The following AKAP13 variants were observed in gnomAD, a reference collection of about 807,000 sequenced individuals.
AKAP13 encodes A-kinase anchor protein 13.
In AKAP13, 80 loss-of-function variants were observed where a neutral mutation model predicts 264.5. The ratio of observed to expected loss-of-function variants is 0.30; its 90% CI spans 0.25 to 0.36. AKAP13 has a LOEUF of 0.36. AKAP13 is among the 10% of genes least tolerant of loss of function. AKAP13 has a pLI of 1.00. For missense variants in AKAP13, 3,712 were observed against 3,435.2 expected (o/e 1.08, Z -2.01); for synonymous variants, 1,380 against 1,250.2 (o/e 1.10, Z -2.19).
chr15:85,637,244 G>C (rs1264010377), intron 8 of AKAP13, among the ~76,000 whole-genome samples: 1 of 152,088 alleles, frequency 6.6e-6, no homozygotes, highest in Non-Finnish European at 1.5e-5. Flanking sequence ...TAAATGTTTG[G>C]TAGCATTCAC....
At chr15:85,595,775 C>G (rs1337507092) in intron 8 of AKAP13, among the ~76,000 whole-genome samples, 3 of 152,092 alleles carry the variant, frequency 2.0e-5, no homozygotes, top group Non-Finnish European at 4.4e-5. Flanking sequence ...TAAGGATTGC[C>G]AGAGACACAT....
intron 1 of AKAP13, among the ~76,000 whole-genome samples, chr15:85,439,079 G>A (rs912216742): frequency 4.0e-5 from 6 of 150,788 alleles, no homozygotes; most frequent in African/African-American, 1.5e-4. Context: ...TCTGACAAAG[G>A]GCTAATATCC....
At position 85,708,101 on chromosome 15, in the gene AKAP13, C is replaced by T. The variant is rs561974863; in HGVS notation, c.5532+15C>T. On this transcript the variant is annotated intron_variant, in intron 18 of 36. Coordinates refer to ENST00000394518, the MANE Select transcript of AKAP13 (RefSeq NM_007200.5). This position sits in a 1 kb window ranked among gnomAD's most constrained non-coding sequence, Gnocchi z 4.3. ...TCAAAATGAAGGTAAGACTTTCTGG[C>T]TAAAACAAGGCTTAAAATAAAAGGG... The T allele has an allele frequency of 1.2e-6, 2 of 1,612,544 alleles. No individual in the cohort carries two copies. Among genetic ancestry groups the T allele is most frequent in the African/African-American group, 2.7e-5 (2 of 74,848 alleles).
rs889635941 is a variant in AKAP13 at position 85,745,824 on chromosome 15, T to C, written c.*1147T>C. The stretch of plus-strand genomic sequence containing the variant: ...AGAGGAGCTGGCCCGGAAGGCGTGG[T>C]TGTGAAAGCGCCCTTCTTATGTTAG... On this transcript the variant is annotated 3_prime_UTR_variant, in exon 37 of 37. Coordinates refer to ENST00000394518, the MANE Select transcript of AKAP13 (RefSeq NM_007200.5). The C allele has an allele frequency of 4.6e-5, 7 of 152,280 alleles. No individual in the cohort carries two copies. The highest frequency in any genetic ancestry group is 1.7e-4 in the African/African-American group (7 of 41,448). The allele number at this position is 152,280 out of a possible 1,614,324, so 9.4% of individuals were successfully genotyped here. A position where few individuals can be genotyped will look rare whatever the true frequency, so the allele number is the denominator to read the frequency against.
At chr15:85,382,607 G>A (rs1335641667) in intron 1 of AKAP13, among the ~76,000 whole-genome samples, 1 of 152,172 alleles carries the variant, frequency 6.6e-6, no homozygotes, top group Non-Finnish European at 1.5e-5. Context: ...TTCCTTCTCT[G>A]GGCGGTGATG....
At chr15:85,631,498 TCTCTCA>T (rs1381860444) in intron 8 of AKAP13, among the ~76,000 whole-genome samples, 315 of 66,546 alleles carry the variant, frequency 4.7e-3, no homozygotes, top group Middle Eastern at 0.014. Context: ...TCTCTCTCTC[TCTCTCA>T]CACACACACA....
intron 1 of AKAP13, among the ~76,000 whole-genome samples, chr15:85,411,959 A>G (rs1335458698): frequency 6.6e-6 from 1 of 152,242 alleles, no homozygotes; most frequent in South Asian, 2.1e-4. Context: ...TGAGCTTGAC[A>G]GCTTTTCAGT....
chr15:85,447,343 A>G (rs1490288919), intron 1 of AKAP13, among the ~76,000 whole-genome samples: 1 of 151,956 alleles, frequency 6.6e-6, no homozygotes, highest in Non-Finnish European at 1.5e-5. Flanking sequence ...TAGGATATGG[A>G]CCTGGATTTG....
At chr15:85,725,504 TC>T (rs1264271181) in intron 26 of AKAP13, among the ~76,000 whole-genome samples, 6 of 152,128 alleles carry the variant, frequency 3.9e-5, no homozygotes, top group Non-Finnish European at 7.4e-5. Flanking sequence ...AAATTAGACC[TC>T]CCTAGGAATC....
At position 85,747,372 on chromosome 15, in the gene AKAP13, A is replaced by ATCAG. The variant is rs72182935; in HGVS notation, c.*2698_*2699insGTCA. 3.2e-5 allele frequency: 3 copies of ATCAG among 94,376 alleles called. No homozygotes were observed. In the East Asian group the frequency reaches 1.4e-3, roughly 44 times the overall value. The allele number at this position is 94,376 out of a possible 1,614,324, so 5.8% of individuals were successfully genotyped here. A position where few individuals can be genotyped will look rare whatever the true frequency, so the allele number is the denominator to read the frequency against. On this transcript the variant is annotated 3_prime_UTR_variant, in exon 37 of 37. Coordinates refer to ENST00000394518, the MANE Select transcript of AKAP13 (RefSeq NM_007200.5). ...GATCTAATGGCCTGTCTTGGTTTCT[A>ATCAG]TCACATGAGAAGGGGTTGTTTTTTT...
chr15:85,540,016 T>A (rs557185862), intron 4 of AKAP13, among the ~76,000 whole-genome samples: 54 of 152,292 alleles, frequency 3.5e-4, no homozygotes, highest in African/African-American at 1.3e-3. Context: ...AAGTAGGTTT[T>A]ATGAGTCAGT....
intron 1 of AKAP13, among the ~76,000 whole-genome samples, chr15:85,481,656 G>A (rs1016402060): frequency 6.6e-6 from 1 of 152,120 alleles, no homozygotes; most frequent in Non-Finnish European, 1.5e-5. Flanking sequence ...ACTGTAGCTG[G>A]CTTTACTACT....
intron 1 of AKAP13, among the ~76,000 whole-genome samples, chr15:85,420,431 TTA>T (rs1465079804): frequency 6.6e-6 from 1 of 152,198 alleles, no homozygotes; most frequent in Non-Finnish European, 1.5e-5. Flanking sequence ...AGTTGATTTC[TTA>T]TCTTTCCTGC....
At chr15:85,563,470 C>T (rs2078488355) in intron 5 of AKAP13, among the ~76,000 whole-genome samples, 1 of 150,540 alleles carries the variant, frequency 6.6e-6, no homozygotes, top group African/African-American at 2.4e-5. Context: ...AACTTTTTAT[C>T]AGAGAATGTG....
At chr15:85,517,669 A>G (rs2076657312) in intron 2 of AKAP13, among the ~76,000 whole-genome samples, 1 of 152,182 alleles carries the variant, frequency 6.6e-6, no homozygotes, top group Admixed American at 6.5e-5. Context: ...CTGTTTTATA[A>G]AAACCTGTTT....
intron 30 of AKAP13, among the ~76,000 whole-genome samples, chr15:85,733,421 AAG>A (rs1463879489): frequency 6.6e-6 from 1 of 152,196 alleles, no homozygotes; most frequent in Non-Finnish European, 1.5e-5. Context: ...GTAGTTTTAC[AAG>A]AATATTCCTT....
At chr15:85,460,726 A>G (rs554801076) in intron 1 of AKAP13, among the ~76,000 whole-genome samples, 1 of 152,348 alleles carries the variant, frequency 6.6e-6, no homozygotes, top group Non-Finnish European at 1.5e-5. Context: ...AGAGATGACA[A>G]TTGAAGAAAG....
At chr15:85,471,152 A>G (rs1336249136) in intron 1 of AKAP13, among the ~76,000 whole-genome samples, 1 of 152,200 alleles carries the variant, frequency 6.6e-6, no homozygotes, top group Non-Finnish European at 1.5e-5. Context: ...GCATTACAGC[A>G]TTATAAAGAA....
intron 10 of AKAP13, among the ~76,000 whole-genome samples, chr15:85,650,776 AAAAAAAAAAAAAAACAAC>A (rs1567175431): frequency 6.3e-5 from 9 of 142,762 alleles, no homozygotes; most frequent in Non-Finnish European, 1.1e-4. Flanking sequence ...AAAAAAAAAA[AAAAAAAAAAAAAAACAAC>A]AAAAACTGCA....
Sources: allele counts gnomAD v4.1 joint callset (sites outside exome capture counted in the v4.1 genomes callset), GRCh38; gene constraint gnomAD v4.1.1; non-coding constraint Gnocchi (gnomAD v3.1); transcripts MANE v1.5; gene names NCBI Gene and HGNC (gene_info 2026-07-23, HGNC 2026-07-21).